Variants in PTPRN2 observed in about 807,000 individuals in gnomAD.
PTPRN2 encodes protein tyrosine phosphatase receptor type N2.
PTPRN2 carries 74 observed loss-of-function variants against 118.8 expected under a neutral mutation model. The observed-to-expected ratio is 0.62, with a 90% confidence interval of 0.52 to 0.76. PTPRN2 has a LOEUF of 0.76. PTPRN2 is among the 30% of genes least tolerant of loss of function. PTPRN2 has a pLI of 0.00. For missense variants in PTPRN2, 1,481 were observed against 1,394.4 expected, an observed-to-expected ratio of 1.06 and a Z score of -0.99; for synonymous variants, 641 against 608.0, an observed-to-expected ratio of 1.05 and a Z score of -0.80.
chr7:158,553,397 C>T lies in PTPRN2; in HGVS notation c.112+34161G>A, dbSNP rs182636310. 3.5e-3 allele frequency among the ~76,000 whole-genome samples: 523 copies of T among 150,974 alleles called. 4 individuals are homozygous for T. The highest frequency in any genetic ancestry group is 0.012 in the African/African-American group (505 of 40,980). On this transcript the variant is annotated intron_variant, in intron 1 of 22. Coordinates refer to ENST00000389418, the MANE Select transcript of PTPRN2 (RefSeq NM_002847.5). ...GCACAGGCTTAGGAGTCTACACCAG[C>T]CTCCCCTTATACACACACAGGCTTG...
intron 12 of PTPRN2, among the ~76,000 whole-genome samples, chr7:157,788,528 G>A (rs1028007180): frequency 1.3e-5 from 2 of 152,202 alleles, no homozygotes; most frequent in South Asian, 2.1e-4. Flanking sequence ...CCACGGGGCT[G>A]GAGCAGTCCC....
At chr7:157,867,053 C>T (rs1328825893) in intron 12 of PTPRN2, among the ~76,000 whole-genome samples, 2 of 92,538 alleles carry the variant, frequency 2.2e-5, no homozygotes, top group East Asian at 9.4e-4. Flanking sequence ...GCCACCACCC[C>T]GCCCCTGACG....
chr7:158,112,694 C>T (rs902664421), intron 9 of PTPRN2, among the ~76,000 whole-genome samples: 6 of 151,046 alleles, frequency 4.0e-5, no homozygotes, highest in African/African-American at 1.2e-4. Context: ...TGCTGAGGGG[C>T]GACGTGTCTG....
intron 12 of PTPRN2, among the ~76,000 whole-genome samples, chr7:157,707,744 C>T (rs552268163): frequency 1.3e-5 from 2 of 152,226 alleles, no homozygotes; most frequent in African/African-American, 4.8e-5. Flanking sequence ...GGATTACAGG[C>T]ACGCACCACT....
chr7:157,763,742 G>A lies in PTPRN2; in HGVS notation c.1789-80805C>T, dbSNP rs1802283862. Among the ~76,000 whole-genome samples the A allele has an allele frequency of 6.6e-6, 1 of 152,038 alleles. No homozygotes were observed. Among genetic ancestry groups the A allele is most frequent in the African/African-American group, 2.4e-5 (1 of 41,392 alleles). On this transcript the variant is annotated intron_variant, in intron 12 of 22. Transcript: ENST00000389418. This position sits in a 1 kb window ranked among gnomAD's most constrained non-coding sequence, Gnocchi z 4.9. Reference sequence around the variant, plus strand: ...TCCTCTCTTCGCAGTGCAGTCACTTGCTGGAGTCTCCTGAGGGCAGGAGAG... The same window carrying A: ...TCCTCTCTTCGCAGTGCAGTCACTTACTGGAGTCTCCTGAGGGCAGGAGAG...
intron 2 of PTPRN2, among the ~76,000 whole-genome samples, chr7:158,355,618 C>A (rs548093555): frequency 6.6e-6 from 1 of 152,208 alleles, no homozygotes; most frequent in Non-Finnish European, 1.5e-5. Context: ...TGGAGAAGCC[C>A]GCAGCAGTGC....
At chr7:158,153,392 G>A (rs867877183) in intron 6 of PTPRN2, among the ~76,000 whole-genome samples, 1 of 152,126 alleles carries the variant, frequency 6.6e-6, no homozygotes, top group Non-Finnish European at 1.5e-5. Context: ...ACCTATAGAC[G>A]GCAAAATTAA....
rs1814407684 is a variant in PTPRN2, at chr7:158,093,811, AAAG to A, written c.1644-12437_1644-12435del. 6.6e-6 allele frequency among the ~76,000 whole-genome samples: 1 copy of A among 152,180 alleles called. No homozygotes were observed. Among genetic ancestry groups the A allele is most frequent in the Non-Finnish European group, 1.5e-5 (1 of 68,038 alleles). ...CAAAATATCTAGCCTAAGAGCTTAC[AAAG>A]GAGGAAGAAGAGAGAACCAATTCTT... On this transcript the variant is annotated intron_variant, in intron 10 of 22. Transcript: ENST00000389418. The surrounding 1 kb of genome is among the most constrained non-coding windows in gnomAD (Gnocchi z 4.4).
chr7:158,570,255 G>A lies in PTPRN2; in HGVS notation c.112+17303C>T, dbSNP rs1178783921. Among the ~76,000 whole-genome samples, 1 of 152,212 alleles carries A rather than the reference G, an allele frequency of 6.6e-6. No homozygotes were observed. Among genetic ancestry groups the A allele is most frequent in the Non-Finnish European group, 1.5e-5 (1 of 68,030 alleles). On this transcript the variant is annotated intron_variant, in intron 1 of 22. Transcript: ENST00000389418. The surrounding 1 kb of genome is among the most constrained non-coding windows in gnomAD (Gnocchi z 4.5). Reference sequence around the variant, plus strand: ...GCCGCTCCTTGGCCATGGGCCCTCGGTCCTCGCCCTGAGCAGCGCGCCGGG... The same window carrying A: ...GCCGCTCCTTGGCCATGGGCCCTCGATCCTCGCCCTGAGCAGCGCGCCGGG...
chr7:157,881,520 C>A lies in PTPRN2; in HGVS notation c.1788+17153G>T, dbSNP rs1281436506. ...TTTGTGACTGAAGCCCCCCACTCTGCAGTATTCTGTTGTGGCAGCCAGAGA... is the reference window on the plus strand; with the variant it reads ...TTTGTGACTGAAGCCCCCCACTCTGAAGTATTCTGTTGTGGCAGCCAGAGA... On this transcript the variant is annotated intron_variant, in intron 12 of 22. Coordinates refer to ENST00000389418, the MANE Select transcript of PTPRN2 (RefSeq NM_002847.5). This position sits in a 1 kb window ranked among gnomAD's most constrained non-coding sequence, Gnocchi z 4.7. Among the ~76,000 whole-genome samples the A allele has an allele frequency of 6.6e-6, 1 of 152,088 alleles. No homozygotes were observed. The highest frequency in any genetic ancestry group is 1.5e-5 in the Non-Finnish European group (1 of 68,022).
intron 11 of PTPRN2, among the ~76,000 whole-genome samples, chr7:157,919,572 A>G (rs1165666784): frequency 1.3e-5 from 2 of 152,208 alleles, no homozygotes; most frequent in African/African-American, 4.8e-5. Flanking sequence ...ATAAAAGGGA[A>G]TACAGGATTG....
intron 2 of PTPRN2, among the ~76,000 whole-genome samples, chr7:158,399,109 C>T (rs982781879): frequency 8.5e-5 from 13 of 152,084 alleles, no homozygotes; most frequent in African/African-American, 3.1e-4. Flanking sequence ...TGTCCATAGT[C>T]TCTCTTCATT....
At chr7:158,146,254 A>G (rs760115387) in intron 6 of PTPRN2, among the ~76,000 whole-genome samples, 1 of 152,064 alleles carries the variant, frequency 6.6e-6, no homozygotes. Flanking sequence ...TTTTGAAACT[A>G]TTTTCTGCCA....
intron 2 of PTPRN2, among the ~76,000 whole-genome samples, chr7:158,387,518 G>A (rs1811532212): frequency 6.6e-6 from 1 of 152,306 alleles, no homozygotes; most frequent in Non-Finnish European, 1.5e-5. Context: ...ATGTTGGAAA[G>A]CACTCTCTGG....
In PTPRN2 at chr7:157,661,945, G is replaced by A. The variant is rs1299787871; in HGVS notation, c.2002-5394C>T. ...CAGAGGCAACGGGGCCACCATGGAC[G>A]CCTCCTAGAAACCAGGACCCAGAAA... On this transcript the variant is annotated intron_variant, in intron 13 of 22. Transcript: ENST00000389418. 3.3e-5 allele frequency among the ~76,000 whole-genome samples: 5 copies of A among 152,200 alleles called. 1 individual carries two copies. In the South Asian group the frequency reaches 8.3e-4, roughly 25 times the overall value.
chr7:157,848,347 G>A (rs1339112711), intron 12 of PTPRN2, among the ~76,000 whole-genome samples: 1 of 145,724 alleles, frequency 6.9e-6, no homozygotes, highest in Non-Finnish European at 1.5e-5. Context: ...CATGGGTGCA[G>A]TATGTTTACA....
intron 11 of PTPRN2, among the ~76,000 whole-genome samples, chr7:157,899,688 G>A (rs778428738): frequency 9.2e-5 from 14 of 152,136 alleles, no homozygotes; most frequent in Non-Finnish European, 1.5e-4. Context: ...AGAGGGACGC[G>A]ATGAGATCTT....
At chr7:157,623,521 A>G (rs138812266) in intron 14 of PTPRN2, among the ~76,000 whole-genome samples, 9 of 152,360 alleles carry the variant, frequency 5.9e-5, no homozygotes, top group Non-Finnish European at 1.2e-4. Flanking sequence ...AATCGAAAAT[A>G]TTATCTGCAA....
In PTPRN2 at chr7:157,758,769, C is replaced by T. The variant is rs74459896; in HGVS notation, c.1789-75832G>A. ...CCTTCCCCAGCTCCCCACGCTACCC[C>T]CCAACCCTTGCTGCACAGCAGAAGG... On this transcript the variant is annotated intron_variant, in intron 12 of 22. Transcript: ENST00000389418. Among the ~76,000 whole-genome samples, 757 of 152,286 alleles carry T rather than the reference C, an allele frequency of 5.0e-3. 3 individuals carry two copies. Among genetic ancestry groups the T allele is most frequent in the Non-Finnish European group, 8.8e-3 (596 of 68,018 alleles).
Sources: gnomAD v4.1 joint callset for allele counts (sites outside exome capture counted in the v4.1 genomes callset) on GRCh38, gnomAD v4.1.1 for gene constraint, Gnocchi (gnomAD v3.1) non-coding constraint, MANE v1.5 for transcripts, NCBI Gene and HGNC (gene_info 2026-07-23, HGNC 2026-07-21) for gene names.